DIS3L: variants seen among roughly 807,000 people sequenced by gnomAD.
The protein encoded by DIS3L is DIS3 like exosome 3'-5' exoribonuclease.
DIS3L carries 100 observed loss-of-function variants against 120.3 expected under a neutral mutation model. That is an observed-to-expected ratio of 0.83 (90% CI 0.71 to 0.98). The LOEUF (loss-of-function observed/expected upper bound fraction) is 0.98. Among genes scored for constraint, DIS3L ranks in the 50% least tolerant of loss-of-function variants. The pLI is 0.00. For missense variants in DIS3L, 1,196 were observed against 1,314.2 expected, an observed-to-expected ratio of 0.91 and a Z score of 1.39; for synonymous variants, 426 against 470.6, an observed-to-expected ratio of 0.91 and a Z score of 1.23.
intron 1 of DIS3L, 22 bp from the exon 2 acceptor site, chr15:66,294,966 T>TA (rs776907056): frequency 3.8e-5 from 61 of 1,586,460 alleles, no homozygotes; most frequent in Non-Finnish European, 5.0e-5. Flanking sequence ...TCTAATCTCT[T>TA]ACATTTTGAA....
intron 7 of DIS3L, among the ~76,000 whole-genome samples, chr15:66,317,054 C>T (rs1366141521): frequency 6.6e-6 from 1 of 152,144 alleles, no homozygotes; most frequent in Non-Finnish European, 1.5e-5. Context: ...ATCCTCACAT[C>T]TGTTTTCCTC....
In DIS3L at chr15:66,324,839, T is replaced by C. The variant is rs190777682; in HGVS notation, c.1668-992T>C. ...ATTTTTCTTTTGGATTCAAGATCAA[T>C]TACTGATTAATTTGTAAAAGCTCTT... On this transcript the variant is annotated intron_variant, in intron 11 of 16. Coordinates refer to ENST00000319212, the MANE Select transcript of DIS3L (RefSeq NM_001143688.3). 4.7e-4 allele frequency among the ~76,000 whole-genome samples: 72 copies of C among 152,338 alleles called. 3 individuals are homozygous for C. The East Asian group carries it at 0.013, about 27-fold the overall frequency.
intron 2 of DIS3L, among the ~76,000 whole-genome samples, chr15:66,298,478 T>C (rs1178139197): frequency 2.0e-5 from 3 of 152,172 alleles, no homozygotes; most frequent in African/African-American, 7.2e-5. Flanking sequence ...AAACCGCAAA[T>C]GAACATTATT....
rs1485948872 is a variant in DIS3L at position 66,314,969 on chromosome 15, C to T, written c.815-67C>T. 4.0e-6 allele frequency: 6 copies of T among 1,517,320 alleles called. No individual in the cohort carries two copies. The East Asian group carries it at 6.8e-5, about 17-fold the overall frequency. The allele number at this position is 1,517,320 out of a possible 1,614,324, so 94.0% of individuals were successfully genotyped here. A position where few individuals can be genotyped will look rare whatever the true frequency, so the allele number is the denominator to read the frequency against. ...GATTAGACTTCGAGTATATCATGCG[C>T]GGAATGCCTCACTGGTGTGCCATTC... On this transcript the variant is annotated intron_variant, in intron 6 of 16. Transcript: ENST00000319212.
At chr15:66,313,350 A>T (rs1342721346) in intron 5 of DIS3L, among the ~76,000 whole-genome samples, 1 of 152,204 alleles carries the variant, frequency 6.6e-6, no homozygotes, top group African/African-American at 2.4e-5. Flanking sequence ...CAGTTACATA[A>T]GATAGAGCCT....
rs774385116 is a variant in DIS3L, at chr15:66,329,005, C to T, written c.2237C>T (p.Ala746Val). ...NKTLADSLDN[A>V]NDPHDPIVNR... ...ACACTGGCTGATTCTCTGGATAATG[C>T]GAACGACCCCCACGATCCCATTGTG... is the stretch of plus-strand genomic sequence containing the variant. The change falls in exon 13 of 17, where the codon GCG (alanine) becomes GTG (valine). Residue 746 changes from alanine (A) to valine (V), a missense_variant. Coordinates refer to ENST00000319212, the MANE Select transcript of DIS3L (RefSeq NM_001143688.3). The T allele has an allele frequency of 1.4e-5, 23 of 1,613,310 alleles. No individual in the cohort carries two copies. Among genetic ancestry groups the T allele is most frequent in the East Asian group, 1.1e-4 (5 of 44,896 alleles).
At chr15:66,327,690 C>A (rs192661039) in intron 12 of DIS3L, among the ~76,000 whole-genome samples, 1 of 152,014 alleles carries the variant, frequency 6.6e-6, no homozygotes, top group African/African-American at 2.4e-5. Flanking sequence ...GTTGCAGTGA[C>A]CCAAAATCGC....
chr15:66,319,952 T>TAAAAA (rs34195061), intron 8 of DIS3L, among the ~76,000 whole-genome samples: 11 of 108,072 alleles, frequency 1.0e-4, no homozygotes, highest in Non-Finnish European at 1.3e-4. Context: ...CCATTTCTAC[T>TAAAAA]AAAAAAAAAA....
chr15:66,321,589 C>T (rs2092884038), intron 9 of DIS3L, among the ~76,000 whole-genome samples: 1 of 151,922 alleles, frequency 6.6e-6, no homozygotes, highest in South Asian at 2.1e-4. Context: ...TGATGAAACC[C>T]CGTCTCTACT....
chr15:66,313,314 TAGA>T (rs2092781506), intron 5 of DIS3L, among the ~76,000 whole-genome samples: 1 of 152,152 alleles, frequency 6.6e-6, no homozygotes. Flanking sequence ...TATTTTGAGA[TAGA>T]AGATTTTTAA....
At chr15:66,317,490 T>C (rs1182000627) in intron 7 of DIS3L, among the ~76,000 whole-genome samples, 2 of 152,024 alleles carry the variant, frequency 1.3e-5, no homozygotes, top group Admixed American at 1.3e-4. Flanking sequence ...TAAGGTTAGC[T>C]GGTGAGAGAA....
intron 12 of DIS3L, 109 bp from the exon 13 acceptor site, chr15:66,328,861 T>G: frequency 7.3e-7 from 1 of 1,373,648 alleles, no homozygotes; most frequent in Non-Finnish European, 9.8e-7. Context: ...CAAAACAAAT[T>G]TACTGGCAGA....
chr15:66,308,845 G>T lies in DIS3L; in HGVS notation c.558+1G>T. The T allele has an allele frequency of 6.2e-7, 1 of 1,611,902 alleles. No individual in the cohort carries two copies. The highest frequency in any genetic ancestry group is 8.5e-7 in the Non-Finnish European group (1 of 1,178,776). On this transcript the variant is annotated splice_donor_variant, in intron 4 of 16. Transcript: ENST00000319212. LOFTEE classifies it high-confidence loss of function. ...AGGAGTATTCGTGATTACTTTCAAG[G>T]TATTTCCAGATATTGTATATGTATG... is the stretch of plus-strand genomic sequence containing the variant.
chr15:66,294,716 T>C (rs1418256527), intron 1 of DIS3L, among the ~76,000 whole-genome samples: 2 of 152,200 alleles, frequency 1.3e-5, no homozygotes, highest in Non-Finnish European at 2.9e-5. Context: ...ATGCTGAAAA[T>C]GTGCTTGTTC....
intron 14 of DIS3L, 58 bp from the exon 15 acceptor site, chr15:66,331,817 G>GT (rs1566963047): frequency 7.1e-7 from 1 of 1,413,588 alleles, no homozygotes; most frequent in African/African-American, 1.5e-5. Flanking sequence ...TATGAATTTC[G>GT]TTTCTTTGGG....
rs1030687337 is a variant in DIS3L, at chr15:66,293,933, G to A, written c.139+198G>A. On this transcript the variant is annotated intron_variant, in intron 1 of 16. Coordinates refer to ENST00000319212, the MANE Select transcript of DIS3L (RefSeq NM_001143688.3). Reference sequence around the variant, plus strand: ...GCGGCCCGGGTCCGCGGCTTCTGGGGCGCCCGGGACTCCCTTACTGCTCCG... The same window carrying A: ...GCGGCCCGGGTCCGCGGCTTCTGGGACGCCCGGGACTCCCTTACTGCTCCG... 12 of 997,692 alleles carry A rather than the reference G, an allele frequency of 1.2e-5. No individual in the cohort carries two copies. In the African/African-American group the frequency reaches 2.1e-4, roughly 17 times the overall value. The allele number at this position is 997,692 out of a possible 1,614,324, so 61.8% of individuals were successfully genotyped here.
chr15:66,308,093 G>A (rs1428129512), intron 3 of DIS3L, among the ~76,000 whole-genome samples: 1 of 152,154 alleles, frequency 6.6e-6, no homozygotes, highest in East Asian at 1.9e-4. Context: ...GATCACTTGA[G>A]CCTGGGAATT....
chr15:66,320,671 G>A lies in DIS3L; in HGVS notation c.1265G>A (p.Gly422Glu), dbSNP rs139303382. ...RVLGRIGDLE[G>E]EIATILVENS... The stretch of plus-strand genomic sequence containing the variant: ...TTAGGAAGAATCGGAGATCTGGAAG[G>A]GGAAATTGCAACCATCCTGGTGGAA... The change falls in exon 9 of 17, where the codon GGG becomes GAG. Residue 422 changes from glycine to glutamate, a missense_variant. Physicochemically the swap from Gly to Glu is moderately conservative, Grantham distance 98. Transcript: ENST00000319212. 119 of 1,614,070 alleles carry A rather than the reference G, an allele frequency of 7.4e-5. No individual in the cohort carries two copies. The African/African-American group carries it at 1.4e-3, about 19-fold the overall frequency.
Position 66,326,007 on chromosome 15 carries a change from A to C in DIS3L, c.1844A>C (p.Glu615Ala), listed in dbSNP as rs1595758485. 3.7e-6 allele frequency: 6 copies of C among 1,614,184 alleles called. No homozygotes were observed. The East Asian group carries it at 1.3e-4, about 36-fold the overall frequency. Residue 615 changes from glutamate to alanine, a missense_variant, in exon 12 of 17, where the codon GAG (glutamate) becomes GCG (alanine). Glu to Ala is a moderately radical substitution (Grantham distance 107). Transcript: ENST00000319212. ...DDIPEFKDLD[E>A]KSRQAKLEEL... ...ATTCCAGAATTCAAAGACTTGGATGAGAAGAGCAGACAAGCCAAGCTGGAG... is the reference window on the plus strand; with the variant it reads ...ATTCCAGAATTCAAAGACTTGGATGCGAAGAGCAGACAAGCCAAGCTGGAG...
Sources: allele counts gnomAD v4.1 joint callset (sites outside exome capture counted in the v4.1 genomes callset), GRCh38; gene constraint gnomAD v4.1.1; transcripts MANE v1.5; gene names NCBI Gene and HGNC (gene_info 2026-07-23, HGNC 2026-07-21).